Variants in TBCD observed in about 807,000 individuals in gnomAD.
TBCD encodes the protein tubulin folding cofactor D.
A neutral mutation model predicts 169.3 loss-of-function variants in TBCD; 105 were observed. The ratio of observed to expected loss-of-function variants is 0.62; its 90% confidence interval spans 0.53 to 0.73. TBCD has a LOEUF of 0.73. Ranked by LOEUF, TBCD falls within the 30% of genes least tolerant of loss-of-function variation. The pLI is 0.00. For synonymous variants in TBCD, 700 were observed against 643.9 expected (o/e 1.09, Z -1.32); for missense variants, 1,444 against 1,600.1 (o/e 0.90, Z 1.66).
At chr17:82,784,125 A>C (rs1036273361) in intron 7 of TBCD, among the ~76,000 whole-genome samples, 1 of 151,812 alleles carries the variant, frequency 6.6e-6, no homozygotes, top group African/African-American at 2.4e-5. Flanking sequence ...CTCTGCCAGA[A>C]AAAAAAAACA....
At chr17:82,829,309 C>A (rs74002539) in intron 13 of TBCD, 5,962 of 58,446 alleles carry the variant, frequency 0.1, 391 homozygotes, top group African/African-American at 0.26. Flanking sequence ...ATGTGCACAC[C>A]CCCCCCACAC....
rs958707031 is a variant in TBCD at position 82,782,616 on chromosome 17, G to A, written c.771+895G>A. ...CTTTGTGATGATCCCAAAGTGCTGG[G>A]ATTACAGGCTTGAGCCGCCGCGCCT... On this transcript the variant is annotated intron_variant, in intron 7 of 38. Transcript: ENST00000355528. The surrounding 1 kb of genome is among the most constrained non-coding windows in gnomAD (Gnocchi z 5.1). Among the ~76,000 whole-genome samples, 2 of 152,188 alleles carry A rather than the reference G, an allele frequency of 1.3e-5. No individual in the cohort carries two copies. The highest frequency in any genetic ancestry group is 1.3e-4 in the Admixed American group (2 of 15,280).
intron 7 of TBCD, among the ~76,000 whole-genome samples, chr17:82,786,019 C>T (rs1280696899): frequency 6.6e-6 from 1 of 152,160 alleles, no homozygotes; most frequent in Non-Finnish European, 1.5e-5. Context: ...CGCACACCTG[C>T]TTCTTGGAAT....
intron 13 of TBCD, among the ~76,000 whole-genome samples, chr17:82,842,881 C>T (rs564693306): frequency 1.6e-3 from 239 of 150,996 alleles, no homozygotes; most frequent in African/African-American, 4.8e-3. Flanking sequence ...CCCATGTTCA[C>T]GCCATTCTCT....
chr17:82,930,602 G>T lies in TBCD; in HGVS notation c.3072G>T (p.Gly1024=). The T allele has an allele frequency of 6.2e-7, 1 of 1,613,994 alleles. No individual in the cohort carries two copies. Among genetic ancestry groups the T allele is most frequent in the South Asian group, 1.1e-5 (1 of 91,082 alleles). The change falls in exon 33 of 39, where the codon GGG becomes GGT. Residue 1024 remains glycine, a synonymous_variant. Transcript: ENST00000355528. This position sits in a 1 kb window ranked among gnomAD's most constrained non-coding sequence, Gnocchi z 5.2. ...CGCAGGCCCTGGGCAGCTTCAGCGG[G>T]ACCCTTCTGCAGATCTTTGAGGACA... The part of the protein sequence containing the change: ...SDPQALGSFS[G]TLLQIFEDNL...
intron 2 of TBCD, among the ~76,000 whole-genome samples, chr17:82,759,748 T>G (rs1455153723): frequency 6.6e-6 from 1 of 152,218 alleles, no homozygotes; most frequent in Non-Finnish European, 1.5e-5. Flanking sequence ...ATTGGATGAT[T>G]TAGTGGCCTC....
intron 13 of TBCD, among the ~76,000 whole-genome samples, chr17:82,848,663 C>G (rs1410716336): frequency 2.0e-5 from 3 of 152,192 alleles, no homozygotes; most frequent in African/African-American, 7.2e-5. Context: ...AAAATTAGCA[C>G]TCAGATCTTC....
chr17:82,926,945 A>G (rs2061809498), intron 28 of TBCD: 3 of 578,870 alleles, frequency 5.2e-6, no homozygotes, highest in Non-Finnish European at 6.0e-6. Flanking sequence ...AGTGGGAGGG[A>G]CCAGCCGCAG....
In TBCD at chr17:82,783,247, T is replaced by C. The variant is rs115870380; in HGVS notation, c.771+1526T>C. Among the ~76,000 whole-genome samples the C allele has an allele frequency of 1.0e-2, 1,522 of 152,258 alleles. 21 individuals carry two copies. The highest frequency in any genetic ancestry group is 0.035 in the African/African-American group (1,447 of 41,534). ...TGAAATGAGGAAAAGGTTTCAGACG[T>C]GTGAGAGAAAACTGCAGACGTGTTT... On this transcript the variant is annotated intron_variant, in intron 7 of 38. Transcript: ENST00000355528.
intron 6 of TBCD, 64 bp from the exon 7 acceptor site, chr17:82,781,525 G>T: frequency 6.3e-7 from 1 of 1,589,970 alleles, no homozygotes; most frequent in Non-Finnish European, 8.6e-7. Context: ...GTGTGGGGTG[G>T]GCTGGTGAGG....
chr17:82,881,893 C>G (rs968649348), intron 14 of TBCD, among the ~76,000 whole-genome samples: 2 of 152,090 alleles, frequency 1.3e-5, no homozygotes, highest in East Asian at 3.9e-4. Flanking sequence ...TCCTTTCTCT[C>G]TCTCTCTGTC....
intron 13 of TBCD, among the ~76,000 whole-genome samples, chr17:82,843,812 C>G (rs780112832): frequency 6.6e-6 from 1 of 152,274 alleles, no homozygotes; most frequent in Non-Finnish European, 1.5e-5. Flanking sequence ...AATGTGTTCT[C>G]CCATTATGGC....
intron 2 of TBCD, among the ~76,000 whole-genome samples, chr17:82,762,146 C>G (rs2047792865): frequency 6.6e-6 from 1 of 151,228 alleles, no homozygotes; most frequent in Non-Finnish European, 1.5e-5. Flanking sequence ...GAAACCCCAT[C>G]TCTACTAAAA....
intron 18 of TBCD, among the ~76,000 whole-genome samples, chr17:82,901,558 G>C (rs1023333424): frequency 1.3e-5 from 2 of 150,348 alleles, no homozygotes; most frequent in Non-Finnish European, 3.0e-5. Context: ...CTGCTTCCTG[G>C]GGAGCGGCCC....
chr17:82,887,168 T>TGTGTGTGTGTGTGCGCGCGCGCGCGC, intron 15 of TBCD, among the ~76,000 whole-genome samples: 60 of 126,188 alleles, frequency 4.8e-4, no homozygotes, highest in South Asian at 8.8e-4. Context: ...TGTGTGTGTG[T>TGTGTGTGTGTGTGCGCGCGCGCGCGC]GCGCGCGCGC....
At chr17:82,788,502 G>A (rs934326856) in intron 7 of TBCD, among the ~76,000 whole-genome samples, 1 of 152,100 alleles carries the variant, frequency 6.6e-6, no homozygotes, top group African/African-American at 2.4e-5. Flanking sequence ...TCTCCCCTTT[G>A]CAGTGCGGTT....
chr17:82,827,733 A>C (rs1452868664), intron 13 of TBCD, among the ~76,000 whole-genome samples: 1 of 150,018 alleles, frequency 6.7e-6, no homozygotes, highest in Non-Finnish European at 1.5e-5. Context: ...ACCCACAGAT[A>C]CACACACGTG....
At chr17:82,771,775 G>A (rs1030836051) in intron 5 of TBCD, among the ~76,000 whole-genome samples, 1 of 151,640 alleles carries the variant, frequency 6.6e-6, no homozygotes, top group Admixed American at 6.6e-5. Context: ...AGCGAGACCC[G>A]GTCTCAAAAC....
At chr17:82,913,487 G>A (rs1415189979) in intron 23 of TBCD, 2 of 152,248 alleles carry the variant, frequency 1.3e-5, no homozygotes, top group African/African-American at 4.8e-5. Flanking sequence ...CAGAGTTGAA[G>A]GCGTTTGGAG....
Sources: gnomAD v4.1 joint callset for allele counts (sites outside exome capture counted in the v4.1 genomes callset) on GRCh38, gnomAD v4.1.1 for gene constraint, Gnocchi (gnomAD v3.1) non-coding constraint, MANE v1.5 for transcripts, NCBI Gene and HGNC (gene_info 2026-07-23, HGNC 2026-07-21) for gene names.